The following RIT2 variants were observed in gnomAD, a reference collection of about 807,000 sequenced individuals.
The protein encoded by RIT2 is GTP-binding protein Rit2.
RIT2 carries 24 observed loss-of-function variants against 23.7 expected under a neutral mutation model. The observed-to-expected ratio is 1.01, with a 90% CI of 0.73 to 1.43. The LOEUF is 1.43. RIT2 is among the 40% of genes most tolerant of loss of function. RIT2 has a pLI of 0.00. For synonymous variants in RIT2, 107 were observed against 91.1 expected (o/e 1.17, Z -0.99); for missense variants, 236 against 266.9 (o/e 0.88, Z 0.81).
intron 4 of RIT2, among the ~76,000 whole-genome samples, chr18:42,878,272 C>T (rs372332490): frequency 1.1e-4 from 16 of 151,272 alleles, no homozygotes; most frequent in African/African-American, 3.1e-4. Flanking sequence ...AGTTGATTAA[C>T]ATGTATTTTG....
At chr18:42,992,749 C>T (rs1364303118) in intron 2 of RIT2, among the ~76,000 whole-genome samples, 2 of 152,044 alleles carry the variant, frequency 1.3e-5, no homozygotes, top group Admixed American at 6.6e-5. Flanking sequence ...TTTCTTTATC[C>T]AACCTCTCCC....
Position 42,806,461 on chromosome 18 carries a change from C to T in RIT2, c.427-62741G>A, listed in dbSNP as rs550290136. 2.6e-5 allele frequency among the ~76,000 whole-genome samples: 4 copies of T among 152,006 alleles called. No individual in the cohort carries two copies. The East Asian group carries it at 5.8e-4, about 22-fold the overall frequency. Reference sequence around the variant, plus strand: ...TCCACCCTGGGCAACAAGAGTGAGACTCGGTCTCAAAAAAAAGAGAAGAAA... The same window carrying T: ...TCCACCCTGGGCAACAAGAGTGAGATTCGGTCTCAAAAAAAAGAGAAGAAA... On this transcript the variant is annotated intron_variant, in intron 4 of 4. Coordinates refer to ENST00000326695, the MANE Select transcript of RIT2 (RefSeq NM_002930.4).
At chr18:42,783,872 C>G (rs1041146510) in intron 4 of RIT2, among the ~76,000 whole-genome samples, 3 of 152,006 alleles carry the variant, frequency 2.0e-5, no homozygotes, top group Non-Finnish European at 2.9e-5. Flanking sequence ...AAATTTATAT[C>G]AACTCCATGA....
At chr18:42,927,241 A>G (rs1458276734) in intron 3 of RIT2, among the ~76,000 whole-genome samples, 2 of 151,882 alleles carry the variant, frequency 1.3e-5, no homozygotes. Flanking sequence ...TCCCCAACAG[A>G]AAATCTTTCC....
intron 3 of RIT2, among the ~76,000 whole-genome samples, chr18:42,936,366 A>G (rs1056030120): frequency 8.5e-5 from 13 of 152,192 alleles, no homozygotes; most frequent in Non-Finnish European, 1.9e-4. Context: ...CCATAACAAA[A>G]GTAGAACCCA....
intron 3 of RIT2, among the ~76,000 whole-genome samples, chr18:42,950,693 A>T (rs1909829546): frequency 6.6e-6 from 1 of 151,948 alleles, no homozygotes; most frequent in African/African-American, 2.4e-5. Context: ...TAAATAACTC[A>T]AACAAGCAAA....
At chr18:43,039,184 C>T (rs925260064) in intron 1 of RIT2, among the ~76,000 whole-genome samples, 6 of 152,038 alleles carry the variant, frequency 3.9e-5, no homozygotes, top group African/African-American at 1.2e-4. Flanking sequence ...TGGCAATTAG[C>T]GTTATATGGC....
intron 4 of RIT2, among the ~76,000 whole-genome samples, chr18:42,919,435 C>T (rs558195333): frequency 5.9e-5 from 9 of 152,134 alleles, no homozygotes; most frequent in South Asian, 2.1e-4. Flanking sequence ...ACAGTTTGGC[C>T]GGGCGCAGTA....
intron 4 of RIT2, among the ~76,000 whole-genome samples, chr18:42,858,320 AATC>A (rs1431782140): frequency 2.0e-5 from 3 of 152,182 alleles, no homozygotes. Context: ...TCTGCTCTGG[AATC>A]TAAGAGCTCT....
At chr18:42,753,524 T>C (rs1021765669) in intron 4 of RIT2, among the ~76,000 whole-genome samples, 3 of 152,212 alleles carry the variant, frequency 2.0e-5, no homozygotes, top group African/African-American at 4.8e-5. Flanking sequence ...GCTTAGTGCA[T>C]ACAGCAAACT....
At chr18:42,819,381 T>A (rs1235917944) in intron 4 of RIT2, among the ~76,000 whole-genome samples, 1 of 152,080 alleles carries the variant, frequency 6.6e-6, no homozygotes, top group African/African-American at 2.4e-5. Context: ...ACATAGAAAA[T>A]ATTGCCATTA....
rs117338303 is a variant in RIT2 at position 42,806,572 on chromosome 18, C to T, written c.427-62852G>A. On this transcript the variant is annotated intron_variant, in intron 4 of 4. Coordinates refer to ENST00000326695, the MANE Select transcript of RIT2 (RefSeq NM_002930.4). ...GCAATAAATGCAACTTGTGGCACTGCGTTGATTTGTGCTAACGGGCCAGCA... is the reference window on the plus strand; with the variant it reads ...GCAATAAATGCAACTTGTGGCACTGTGTTGATTTGTGCTAACGGGCCAGCA... 6.2e-4 allele frequency among the ~76,000 whole-genome samples: 95 copies of T among 152,250 alleles called. No individual in the cohort carries two copies. The East Asian group carries it at 0.017, about 28-fold the overall frequency.
intron 4 of RIT2, among the ~76,000 whole-genome samples, chr18:42,861,566 T>C (rs564421617): frequency 3.3e-5 from 5 of 152,318 alleles, no homozygotes; most frequent in African/African-American, 7.2e-5. Flanking sequence ...TGGTTCTCAA[T>C]GGAACATTCA....
intron 3 of RIT2, among the ~76,000 whole-genome samples, chr18:42,970,030 G>C (rs1234207313): frequency 6.6e-6 from 1 of 151,894 alleles, no homozygotes; most frequent in African/African-American, 2.4e-5. Context: ...TACACACTAA[G>C]TTATTCCATA....
intron 2 of RIT2, among the ~76,000 whole-genome samples, chr18:43,003,741 CTTTTT>C (rs952042499): frequency 6.9e-6 from 1 of 144,050 alleles, no homozygotes; most frequent in Admixed American, 7.1e-5. Flanking sequence ...TCTATCATTA[CTTTTT>C]TTTTCCTCCT....
At chr18:42,759,637 C>T (rs907293792) in intron 4 of RIT2, among the ~76,000 whole-genome samples, 1 of 151,286 alleles carries the variant, frequency 6.6e-6, no homozygotes, top group Non-Finnish European at 1.5e-5. Flanking sequence ...AGGCTGCTGC[C>T]ATTTTTTCCA....
At chr18:43,089,333 A>T (rs1568078954) in intron 1 of RIT2, among the ~76,000 whole-genome samples, 1 of 152,016 alleles carries the variant, frequency 6.6e-6, no homozygotes, top group Non-Finnish European at 1.5e-5. Flanking sequence ...CAATTGCCAT[A>T]AAAAAGAATA....
chr18:43,055,181 T>C (rs1450911646), intron 1 of RIT2, among the ~76,000 whole-genome samples: 2 of 152,154 alleles, frequency 1.3e-5, no homozygotes, highest in Non-Finnish European at 2.9e-5. Flanking sequence ...AAATCAGTGA[T>C]TGCTTCTCAG....
intron 1 of RIT2, among the ~76,000 whole-genome samples, chr18:43,099,750 T>C (rs1340438005): frequency 2.6e-5 from 4 of 152,118 alleles, no homozygotes; most frequent in Admixed American, 1.3e-4. Flanking sequence ...AGGGTTTTTT[T>C]CTGACAAATT....
Sources: gnomAD v4.1 joint callset for allele counts (sites outside exome capture counted in the v4.1 genomes callset) on GRCh38, gnomAD v4.1.1 for gene constraint, MANE v1.5 for transcripts, NCBI Gene and HGNC (gene_info 2026-07-23, HGNC 2026-07-21) for gene names.